The following CNTN3 variants were observed in gnomAD, a reference collection of about 807,000 sequenced individuals.
CNTN3 encodes contactin-3.
In CNTN3, 60 loss-of-function variants were observed where a neutral mutation model predicts 119.1. The observed-to-expected ratio is 0.50, with a 90% CI of 0.41 to 0.62. The LOEUF (loss-of-function observed/expected upper bound fraction) is 0.62. Among genes scored for constraint, CNTN3 ranks in the 20% least tolerant of loss-of-function variants. The probability of loss-of-function intolerance (pLI) is 0.00; values close to 1 mark genes in which losing one functional copy is unlikely to be tolerated. For missense variants in CNTN3, 1,101 were observed against 1,242.4 expected, an observed-to-expected ratio of 0.89 and a Z score of 1.71; for synonymous variants, 450 against 438.7, an observed-to-expected ratio of 1.03 and a Z score of -0.32.
chr3:74,591,919 G>C (rs1704709237), intron 1 of CNTN3, among the ~76,000 whole-genome samples: 1 of 151,884 alleles, frequency 6.6e-6, no homozygotes, highest in Non-Finnish European at 1.5e-5. Context: ...CAGAGATGTA[G>C]AGAGGATGGG....
chr3:74,262,883 A>G lies in CNTN3; in HGVS notation c.*1518T>C, dbSNP rs957646849. The G allele has an allele frequency of 6.6e-6, 1 of 152,146 alleles. No homozygotes were observed. Among genetic ancestry groups the G allele is most frequent in the Non-Finnish European group, 1.5e-5 (1 of 68,000 alleles). The allele number at this position is 152,146 out of a possible 1,614,324, so 9.4% of individuals were successfully genotyped here. On this transcript the variant is annotated 3_prime_UTR_variant, in exon 23 of 23. Coordinates refer to ENST00000263665, the MANE Select transcript of CNTN3 (RefSeq NM_020872.3). ...TACTAGTCATTCAGATTGTTTCAAT[A>G]TATACAGTATATGCGGACCTTATAG...
chr3:74,338,504 G>C (rs1254365000), intron 11 of CNTN3, among the ~76,000 whole-genome samples: 2 of 151,098 alleles, frequency 1.3e-5, no homozygotes, highest in Non-Finnish European at 3.0e-5. Context: ...GCGTGTGTGT[G>C]TGTATACACA....
At chr3:74,446,685 T>TTG (rs1421582928) in intron 4 of CNTN3, among the ~76,000 whole-genome samples, 1 of 31,868 alleles carries the variant, frequency 3.1e-5, no homozygotes, top group Non-Finnish European at 1.1e-4. Context: ...TTTTACTTGT[T>TTG]TTTTTTTTTT....
intron 13 of CNTN3, among the ~76,000 whole-genome samples, chr3:74,310,276 A>G (rs1702651435): frequency 1.3e-5 from 2 of 152,338 alleles, no homozygotes; most frequent in South Asian, 4.1e-4. Context: ...GTTATGCCAA[A>G]TGCCATTTGA....
At chr3:74,302,111 T>C (rs1316575753) in intron 14 of CNTN3, among the ~76,000 whole-genome samples, 1 of 152,206 alleles carries the variant, frequency 6.6e-6, no homozygotes, top group Non-Finnish European at 1.5e-5. Flanking sequence ...CCTGTACCTT[T>C]CTAAATTCAA....
At chr3:74,349,685 A>G (rs1703770959) in intron 11 of CNTN3, among the ~76,000 whole-genome samples, 1 of 152,214 alleles carries the variant, frequency 6.6e-6, no homozygotes, top group African/African-American at 2.4e-5. Context: ...GTAGCATGTA[A>G]TGATATTGGG....
intron 1 of CNTN3, among the ~76,000 whole-genome samples, chr3:74,550,267 C>T (rs1294113121): frequency 1.3e-5 from 2 of 152,212 alleles, no homozygotes; most frequent in Admixed American, 6.5e-5. Flanking sequence ...AGAAAAGGAG[C>T]CCAAGGGAAG....
chr3:74,480,996 C>T (rs186107077), intron 4 of CNTN3, among the ~76,000 whole-genome samples: 17 of 151,640 alleles, frequency 1.1e-4, no homozygotes, highest in East Asian at 7.8e-4. Flanking sequence ...AAAATCAGAC[C>T]GTATTAATAT....
chr3:74,560,344 A>G (rs1704134665), intron 1 of CNTN3, among the ~76,000 whole-genome samples: 1 of 152,162 alleles, frequency 6.6e-6, no homozygotes, highest in Admixed American at 6.6e-5. Flanking sequence ...ATTGATGGTA[A>G]TCTCATATCC....
At chr3:74,271,208 CTAAA>C (rs1701769018) in intron 20 of CNTN3, among the ~76,000 whole-genome samples, 1 of 152,072 alleles carries the variant, frequency 6.6e-6, no homozygotes. Flanking sequence ...AGGAAAATGG[CTAAA>C]TAAATTGTGG....
intron 12 of CNTN3, among the ~76,000 whole-genome samples, chr3:74,335,595 T>C (rs1342870495): frequency 3.9e-5 from 6 of 152,152 alleles, no homozygotes; most frequent in Non-Finnish European, 7.3e-5. Context: ...TTGTCTACAA[T>C]TATGCTAGTC....
intron 20 of CNTN3, among the ~76,000 whole-genome samples, chr3:74,284,882 A>AT (rs543318070): frequency 2.0e-5 from 3 of 152,268 alleles, no homozygotes; most frequent in African/African-American, 4.8e-5. Context: ...GCACATTGCC[A>AT]TTTTTTGTAT....
At chr3:74,501,529 A>C (rs572759602) in intron 2 of CNTN3, among the ~76,000 whole-genome samples, 2 of 152,218 alleles carry the variant, frequency 1.3e-5, no homozygotes, top group South Asian at 4.1e-4. Context: ...TGTGAGTATA[A>C]CAGTTTTCAG....
At chr3:74,550,380 T>C (rs1015293157) in intron 1 of CNTN3, among the ~76,000 whole-genome samples, 2 of 152,074 alleles carry the variant, frequency 1.3e-5, no homozygotes, top group Non-Finnish European at 2.9e-5. Context: ...ATCAGAAACA[T>C]GGGAGTGGGC....
intron 4 of CNTN3, among the ~76,000 whole-genome samples, chr3:74,443,484 G>GGCTC (rs1559604345): frequency 7.9e-5 from 12 of 152,076 alleles, no homozygotes; most frequent in Non-Finnish European, 1.6e-4. Context: ...TTCAGTGGCT[G>GGCTC]CCCACCAGCC....
At chr3:74,590,970 T>A (rs933534444) in intron 1 of CNTN3, among the ~76,000 whole-genome samples, 1 of 152,008 alleles carries the variant, frequency 6.6e-6, no homozygotes, top group Admixed American at 6.6e-5. Flanking sequence ...AAATGTCAGA[T>A]ATGAAGAAAA....
At chr3:74,289,644 A>G (rs1456965036) in intron 19 of CNTN3, among the ~76,000 whole-genome samples, 1 of 152,210 alleles carries the variant, frequency 6.6e-6, no homozygotes, top group Non-Finnish European at 1.5e-5. Flanking sequence ...TTTTGACAAT[A>G]GCTGCTTTAT....
At chr3:74,323,425 G>T (rs745630266) in intron 13 of CNTN3, among the ~76,000 whole-genome samples, 31 of 152,316 alleles carry the variant, frequency 2.0e-4, no homozygotes, top group African/African-American at 6.7e-4. Context: ...ATCGGTGGTT[G>T]CCTCTGCCTG....
intron 4 of CNTN3, among the ~76,000 whole-genome samples, chr3:74,477,806 T>C (rs1181247624): frequency 6.6e-6 from 1 of 151,902 alleles, no homozygotes; most frequent in Non-Finnish European, 1.5e-5. Flanking sequence ...ATATACCCCA[T>C]GAATATATAC....
Sources: allele counts gnomAD v4.1 joint callset (sites outside exome capture counted in the v4.1 genomes callset), GRCh38; gene constraint gnomAD v4.1.1; transcripts MANE v1.5; gene names NCBI Gene and HGNC (gene_info 2026-07-23, HGNC 2026-07-21).